The following LGR6 variants were observed in gnomAD, a reference collection of about 807,000 sequenced individuals.
LGR6 encodes the protein leucine-rich repeat-containing G protein-coupled receptor 6.
LGR6 carries 45 observed loss-of-function variants against 69.4 expected under a neutral mutation model. The observed-to-expected ratio is 0.65, with a 90% CI of 0.51 to 0.83. The LOEUF is 0.83. Ranked by LOEUF, LGR6 falls within the 40% of genes least tolerant of loss-of-function variation. The probability of loss-of-function intolerance (pLI) is 0.00; values close to 1 mark genes in which losing one functional copy is unlikely to be tolerated. For missense variants in LGR6, 1,108 were observed against 1,246.7 expected, an observed-to-expected ratio of 0.89 and a Z score of 1.68; for synonymous variants, 538 against 555.0, an observed-to-expected ratio of 0.97 and a Z score of 0.43.
At chr1:202,296,946 T>A (rs1293173611) in intron 6 of LGR6, among the ~76,000 whole-genome samples, 1 of 152,208 alleles carries the variant, frequency 6.6e-6, no homozygotes, top group Non-Finnish European at 1.5e-5. Context: ...TATAATTTTC[T>A]GATTATACAT....
At chr1:202,234,998 C>T (rs1399020170) in intron 3 of LGR6, among the ~76,000 whole-genome samples, 1 of 152,192 alleles carries the variant, frequency 6.6e-6, no homozygotes, top group Non-Finnish European at 1.5e-5. Context: ...GATCTAAAGG[C>T]CTGGAGGGTT....
Position 202,301,210 on chromosome 1 carries a change from C to T in LGR6, c.904C>T (p.Gln302Ter), listed in dbSNP as rs909351497. The T allele has an allele frequency of 2.5e-6, 4 of 1,614,198 alleles. No individual in the cohort carries two copies. The South Asian group carries it at 4.4e-5, about 18-fold the overall frequency. The change falls in exon 9 of 18, where the codon CAG becomes TAG. Residue 302 changes from glutamine to a stop codon, truncating the protein, a stop_gained. Coordinates refer to ENST00000367278, the MANE Select transcript of LGR6 (RefSeq NM_001017403.2). LOFTEE classifies it high-confidence loss of function. ...PIQFVGRSAFQYLPKLHTLSL... is the reference protein window; with the variant it reads ...PIQFVGRSAF ...CCAGTTTGTGGGAAGATCGGCATTC[C>T]AGTACCTGCCTAAACTCCACACACT...
chr1:202,274,410 A>G (rs548353910), intron 4 of LGR6, among the ~76,000 whole-genome samples: 2 of 152,252 alleles, frequency 1.3e-5, no homozygotes, highest in East Asian at 3.9e-4. Flanking sequence ...TTATGATCAA[A>G]TCTAAGAACG....
At chr1:202,264,317 A>G (rs1664477385) in intron 4 of LGR6, among the ~76,000 whole-genome samples, 1 of 152,234 alleles carries the variant, frequency 6.6e-6, no homozygotes, top group Non-Finnish European at 1.5e-5. Context: ...ATTACTACAA[A>G]GTCTGCTAGG....
intron 10 of LGR6, 41 bp from the exon 11 acceptor site, chr1:202,304,518 C>G (rs1572005185): frequency 6.7e-7 from 1 of 1,501,566 alleles, no homozygotes. Flanking sequence ...AATGGCAGGG[C>G]CCTGGGCCTG....
At chr1:202,273,144 A>C (rs925637235) in intron 4 of LGR6, among the ~76,000 whole-genome samples, 1 of 152,178 alleles carries the variant, frequency 6.6e-6, no homozygotes, top group Non-Finnish European at 1.5e-5. Context: ...AATCAGAGCT[A>C]CCTCAATGGC....
intron 1 of LGR6, among the ~76,000 whole-genome samples, chr1:202,200,528 C>A (rs1209297905): frequency 6.6e-6 from 1 of 152,306 alleles, no homozygotes; most frequent in East Asian, 1.9e-4. Flanking sequence ...GCTTCAGACA[C>A]CTTGGGAAGG....
At chr1:202,227,368 G>A (rs959750739) in intron 2 of LGR6, among the ~76,000 whole-genome samples, 2 of 152,122 alleles carry the variant, frequency 1.3e-5, no homozygotes, top group Admixed American at 1.3e-4. Context: ...TTTTAGAATT[G>A]GTGATTGCCC....
At chr1:202,305,434 CT>C (rs948582950) in intron 11 of LGR6, among the ~76,000 whole-genome samples, 1 of 152,184 alleles carries the variant, frequency 6.6e-6, no homozygotes, top group Non-Finnish European at 1.5e-5. Flanking sequence ...CACCACGCCC[CT>C]CTCACTTCCT....
chr1:202,215,018 T>TGCGC (rs1553239904), intron 1 of LGR6, among the ~76,000 whole-genome samples: 28 of 146,700 alleles, frequency 1.9e-4, no homozygotes, highest in African/African-American at 6.8e-4. Flanking sequence ...TGTGTGTGTG[T>TGCGC]GTGCGCGCGC....
intron 7 of LGR6, among the ~76,000 whole-genome samples, chr1:202,298,121 A>G (rs1012797716): frequency 6.6e-6 from 1 of 152,254 alleles, no homozygotes; most frequent in Non-Finnish European, 1.5e-5. Context: ...AGCATCCTTC[A>G]GCCTCATTGA....
rs1664878774 is a variant in LGR6, at chr1:202,268,830, A to G, written c.429-7476A>G. Among the ~76,000 whole-genome samples the G allele has an allele frequency of 6.6e-6, 1 of 151,948 alleles. No homozygotes were observed. Among genetic ancestry groups the G allele is most frequent in the Non-Finnish European group, 1.5e-5 (1 of 67,984 alleles). On this transcript the variant is annotated intron_variant, in intron 4 of 17. Transcript: ENST00000367278. The surrounding 1 kb of genome is among the most constrained non-coding windows in gnomAD (Gnocchi z 4.4). ...GCAGAGCCGACCTCATGGGCCTGCGACCTGTGTGGTTGCCAGGGCCCTGAT... is the reference window on the plus strand; with the variant it reads ...GCAGAGCCGACCTCATGGGCCTGCGGCCTGTGTGGTTGCCAGGGCCCTGAT...
chr1:202,287,787 C>A (rs116803864), intron 6 of LGR6, among the ~76,000 whole-genome samples: 1 of 152,190 alleles, frequency 6.6e-6, no homozygotes, highest in Non-Finnish European at 1.5e-5. Flanking sequence ...AATCTGACCA[C>A]GTCTCACCCC....
At chr1:202,213,164 C>T (rs1659527100) in intron 1 of LGR6, among the ~76,000 whole-genome samples, 1 of 152,166 alleles carries the variant, frequency 6.6e-6, no homozygotes, top group Non-Finnish European at 1.5e-5. Context: ...GGGCTGAAGT[C>T]ACCTTTCCAG....
chr1:202,244,616 G>A (rs1467963431), intron 4 of LGR6, among the ~76,000 whole-genome samples: 1 of 152,044 alleles, frequency 6.6e-6, no homozygotes, highest in African/African-American at 2.4e-5. Flanking sequence ...TGTGGTCTCT[G>A]ATAAGGATAC....
intron 4 of LGR6, among the ~76,000 whole-genome samples, chr1:202,251,939 A>T (rs1663289611): frequency 1.3e-5 from 2 of 151,742 alleles, no homozygotes; most frequent in Admixed American, 1.3e-4. Flanking sequence ...TGAGGGGATG[A>T]GGGGGAGATT....
At chr1:202,197,445 A>G (rs748722422) in intron 1 of LGR6, 3 of 533,434 alleles carry the variant, frequency 5.6e-6, no homozygotes, top group South Asian at 4.2e-5. Flanking sequence ...CTCTTAAACT[A>G]TAGTCTCAGC....
chr1:202,227,526 C>T (rs1660652288), intron 2 of LGR6, among the ~76,000 whole-genome samples: 1 of 152,216 alleles, frequency 6.6e-6, no homozygotes, highest in Non-Finnish European at 1.5e-5. Flanking sequence ...CCTCCCTCTA[C>T]TGATGACACC....
chr1:202,266,948 G>A lies in LGR6; in HGVS notation c.429-9358G>A, dbSNP rs141320804. Among the ~76,000 whole-genome samples the A allele has an allele frequency of 2.8e-3, 425 of 151,908 alleles. 6 individuals carry two copies. The highest frequency in any genetic ancestry group is 9.7e-3 in the African/African-American group (401 of 41,406). ...CACAATTGATTATTTGTTAATCTTC[G>A]TTGCTAGACTATGAGTTCCTTGAGG... On this transcript the variant is annotated intron_variant, in intron 4 of 17. Transcript: ENST00000367278.
Sources: allele counts gnomAD v4.1 joint callset (sites outside exome capture counted in the v4.1 genomes callset), GRCh38; gene constraint gnomAD v4.1.1; non-coding constraint Gnocchi (gnomAD v3.1); transcripts MANE v1.5; gene names NCBI Gene and HGNC (gene_info 2026-07-23, HGNC 2026-07-21).